The following MAP3K19 variants were observed in gnomAD, a reference collection of about 807,000 sequenced individuals.
MAP3K19 encodes SPS1/STE20-related protein kinase YSK4.
In MAP3K19, 91 loss-of-function variants were observed where a neutral mutation model predicts 114.4. The ratio of observed to expected loss-of-function variants is 0.80; its 90% CI spans 0.67 to 0.95. The LOEUF (loss-of-function observed/expected upper bound fraction) is 0.95. Ranked by LOEUF, MAP3K19 falls within the 40% of genes least tolerant of loss-of-function variation. MAP3K19 has a pLI of 0.00. For synonymous variants in MAP3K19, 518 were observed against 530.5 expected, an observed-to-expected ratio of 0.98 and a Z score of 0.32; for missense variants, 1,471 against 1,573.2, an observed-to-expected ratio of 0.94 and a Z score of 1.10.
At chr2:135,008,724 TTTAA>T (rs201392553) in intron 5 of MAP3K19, among the ~76,000 whole-genome samples, 1,636 of 152,236 alleles carry the variant, frequency 0.011, 11 homozygotes, top group Non-Finnish European at 0.016. Flanking sequence ...TTCCTTTTCA[TTTAA>T]TTAATTAATT....
chr2:134,986,723 A>G lies in MAP3K19; in HGVS notation c.2149T>C (p.Ser717Pro). 6.2e-7 allele frequency: 1 copy of G among 1,614,100 alleles called. No individual in the cohort carries two copies. Among genetic ancestry groups the G allele is most frequent in the Non-Finnish European group, 8.5e-7 (1 of 1,180,000 alleles). ...ERKSNIRTRL[S>P]QKKTHMKCPK... ...CATTTCATATGTGTTTTTTTCTGAG[A>G]AAGTCTTGTTCTGATATTGCTCTTC... The change falls in exon 10 of 13, where the codon TCT (serine) becomes CCT (proline). Residue 717 changes from serine (S) to proline (P), a missense_variant. By Grantham distance (74) the Ser-to-Pro change is moderately conservative (BLOSUM62 -1). Coordinates refer to ENST00000392915, the MANE Select transcript of MAP3K19 (RefSeq NM_025052.5).
intron 8 of MAP3K19, among the ~76,000 whole-genome samples, chr2:134,992,403 A>C (rs572484884): frequency 1.6e-3 from 245 of 152,214 alleles, no homozygotes; most frequent in African/African-American, 4.9e-3. Context: ...TTCTTACCAA[A>C]AAGTCAGAAT....
At chr2:135,026,993 C>T (rs1247656019) in intron 3 of MAP3K19, among the ~76,000 whole-genome samples, 1 of 152,204 alleles carries the variant, frequency 6.6e-6, no homozygotes, top group African/African-American at 2.4e-5. Flanking sequence ...AGCCTGTAAT[C>T]TCCACAGCTT....
intron 8 of MAP3K19, among the ~76,000 whole-genome samples, chr2:134,996,497 T>A (rs1384562247): frequency 6.6e-6 from 1 of 152,162 alleles, no homozygotes; most frequent in Non-Finnish European, 1.5e-5. Context: ...ATTAGTGCTA[T>A]GTTGTAGGTA....
chr2:135,018,207 C>T (rs1417869149), intron 5 of MAP3K19, among the ~76,000 whole-genome samples: 1 of 143,056 alleles, frequency 7.0e-6, no homozygotes, highest in East Asian at 2.1e-4. Flanking sequence ...AGGACAATCA[C>T]TTGAACCCGG....
At chr2:135,018,062 C>T (rs1363550778) in intron 5 of MAP3K19, among the ~76,000 whole-genome samples, 1 of 152,082 alleles carries the variant, frequency 6.6e-6, no homozygotes, top group Non-Finnish European at 1.5e-5. Flanking sequence ...GAGGCCGAGG[C>T]AGGCAGATCA....
Position 135,047,302 on chromosome 2 carries a change from C to G in MAP3K19, c.-541G>C, listed in dbSNP as rs1369987716. 1.3e-5 allele frequency: 2 copies of G among 152,236 alleles called. No individual in the cohort carries two copies. The highest frequency in any genetic ancestry group is 4.8e-5 in the African/African-American group (2 of 41,460). The allele number at this position is 152,236 out of a possible 1,614,324, so 9.4% of individuals were successfully genotyped here. ...ATTTCTGGGACAGCTGTAACCCACA[C>G]TTCAACCAGGGATCCATTTAAAAAC... On this transcript the variant is annotated 5_prime_UTR_variant, in exon 1 of 13. Coordinates refer to ENST00000392915, the MANE Select transcript of MAP3K19 (RefSeq NM_025052.5).
At chr2:135,037,604 C>T (rs985780386) in intron 2 of MAP3K19, among the ~76,000 whole-genome samples, 2 of 152,120 alleles carry the variant, frequency 1.3e-5, no homozygotes, top group African/African-American at 4.8e-5. Flanking sequence ...TCTTACATTT[C>T]TGCAGGTCTT....
rs201174143 is a variant in MAP3K19, at chr2:134,990,883, A to G, written c.618+654T>C. ...TGTTAATCAACTGTTTATGTTATCT[A>G]TAAGGCTCTGGTCAACAGTAGGCTA... On this transcript the variant is annotated intron_variant, in intron 9 of 12. Coordinates refer to ENST00000392915, the MANE Select transcript of MAP3K19 (RefSeq NM_025052.5). 5.9e-5 allele frequency among the ~76,000 whole-genome samples: 9 copies of G among 152,312 alleles called. No individual in the cohort carries two copies. In the East Asian group the frequency reaches 1.5e-3, roughly 26 times the overall value.
chr2:134,969,205 A>C (rs1030763874), intron 12 of MAP3K19, among the ~76,000 whole-genome samples: 2 of 152,040 alleles, frequency 1.3e-5, no homozygotes, highest in African/African-American at 4.8e-5. Context: ...TACGAAAACC[A>C]GTCAGGTGTG....
chr2:135,034,766 C>G (rs1266209043), intron 2 of MAP3K19, among the ~76,000 whole-genome samples: 1 of 140,798 alleles, frequency 7.1e-6, no homozygotes, highest in Admixed American at 7.3e-5. Context: ...CCAGCTTCGG[C>G]TGGGCATCAG....
chr2:134,971,494 A>C (rs1683878580), intron 12 of MAP3K19, among the ~76,000 whole-genome samples: 1 of 152,194 alleles, frequency 6.6e-6, no homozygotes, highest in African/African-American at 2.4e-5. Flanking sequence ...TTGGAGGATA[A>C]CTGGTGTTAG....
At chr2:134,974,371 C>A (rs553641939) in intron 12 of MAP3K19, among the ~76,000 whole-genome samples, 2 of 152,272 alleles carry the variant, frequency 1.3e-5, no homozygotes, top group African/African-American at 4.8e-5. Context: ...CACTGTTAGT[C>A]TGATGGGGGT....
At chr2:134,997,804 C>T (rs61553758) in intron 8 of MAP3K19, among the ~76,000 whole-genome samples, 31,930 of 135,232 alleles carry the variant, frequency 0.24, 4,446 homozygotes, top group Middle Eastern at 0.57. Flanking sequence ...GGTGACAGAG[C>T]GAGACTCCGT....
rs937530900 is a variant in MAP3K19 at position 134,999,252 on chromosome 2, T to C, written c.315-255A>G. 1.6e-4 allele frequency among the ~76,000 whole-genome samples: 24 copies of C among 152,294 alleles called. No individual in the cohort carries two copies. Among genetic ancestry groups the C allele is most frequent in the Admixed American group, 2.6e-4 (4 of 15,290 alleles). On this transcript the variant is annotated intron_variant, in intron 7 of 12. Coordinates refer to ENST00000392915, the MANE Select transcript of MAP3K19 (RefSeq NM_025052.5). This position sits in a 1 kb window ranked among gnomAD's most constrained non-coding sequence, Gnocchi z 4.1. ...CTCGTTTTCCCAATCACCATTTCCTTGCACAGAGAAATCAGAGACCAAGGG... is the reference window on the plus strand; with the variant it reads ...CTCGTTTTCCCAATCACCATTTCCTCGCACAGAGAAATCAGAGACCAAGGG...
intron 3 of MAP3K19, among the ~76,000 whole-genome samples, chr2:135,026,881 T>G (rs1177806108): frequency 6.6e-6 from 1 of 152,146 alleles, no homozygotes; most frequent in African/African-American, 2.4e-5. Context: ...CCAGATATCA[T>G]AAGAATAATA....
At chr2:135,004,998 G>C (rs1006859201) in intron 6 of MAP3K19, among the ~76,000 whole-genome samples, 2 of 152,170 alleles carry the variant, frequency 1.3e-5, no homozygotes. Flanking sequence ...GAGTGAGGTG[G>C]AATAAAAGAG....
chr2:134,964,701 C>A lies in MAP3K19; in HGVS notation c.*149G>T. Reference sequence around the variant, plus strand: ...ACTTGAGGAGGCTAATATGTAACTGCAACTTTCAGTTAATGACTCCATAGG... The same window carrying A: ...ACTTGAGGAGGCTAATATGTAACTGAAACTTTCAGTTAATGACTCCATAGG... On this transcript the variant is annotated 3_prime_UTR_variant, in exon 13 of 13. Transcript: ENST00000392915. The A allele has an allele frequency of 1.9e-6, 1 of 528,496 alleles. No homozygotes were observed. Among genetic ancestry groups the A allele is most frequent in the Non-Finnish European group, 3.4e-6 (1 of 290,520 alleles). 32.7% of individuals were successfully genotyped at this position (528,496 alleles called of 1,614,324 possible).
At chr2:135,038,502 A>G (rs1688579622) in intron 2 of MAP3K19, among the ~76,000 whole-genome samples, 1 of 152,010 alleles carries the variant, frequency 6.6e-6, no homozygotes, top group South Asian at 2.1e-4. Context: ...ATTTTGAAAC[A>G]TGAAGTGTAG....
Sources: allele counts gnomAD v4.1 joint callset (sites outside exome capture counted in the v4.1 genomes callset), GRCh38; gene constraint gnomAD v4.1.1; non-coding constraint Gnocchi (gnomAD v3.1); transcripts MANE v1.5; gene names NCBI Gene and HGNC (gene_info 2026-07-23, HGNC 2026-07-21).